Variants in ITSN2 observed in about 807,000 individuals in gnomAD.
The protein encoded by ITSN2 is intersectin 2.
ITSN2 carries 156 observed loss-of-function variants against 243.7 expected under a neutral mutation model. The observed-to-expected ratio is 0.64, with a 90% CI of 0.56 to 0.73. ITSN2 has a LOEUF of 0.73. Ranked by LOEUF, ITSN2 falls within the 30% of genes least tolerant of loss-of-function variation. The pLI is 0.00. For synonymous variants in ITSN2, 703 were observed against 699.9 expected (o/e 1.00, Z -0.07); for missense variants, 1,801 against 1,996.1 (o/e 0.90, Z 1.86).
chr2:24,298,930 C>T (rs965795083), intron 12 of ITSN2, 116 bp from the exon 13 acceptor site: 6 of 799,866 alleles, frequency 7.5e-6, no homozygotes, highest in Admixed American at 2.9e-5. Flanking sequence ...GCTTTAGTGC[C>T]TAAGGGTAGC....
chr2:24,228,347 G>A lies in ITSN2; in HGVS notation c.3578-7281C>T, dbSNP rs147174856. ...ATGACTGGAAAAACTATTAAAAGAC[G>A]TATTTCAGGAAGAAGGAAATTACAT... On this transcript the variant is annotated intron_variant, in intron 29 of 39. Transcript: ENST00000355123. Among the ~76,000 whole-genome samples, 704 of 152,172 alleles carry A rather than the reference G, an allele frequency of 4.6e-3. 1 individual carries two copies. Among genetic ancestry groups the A allele is most frequent in the Admixed American group, 8.5e-3 (130 of 15,286 alleles).
At position 24,286,887 on chromosome 2, in the gene ITSN2, T is replaced by G. The variant is rs544372522; in HGVS notation, c.1724-536A>C. 2.6e-5 allele frequency among the ~76,000 whole-genome samples: 4 copies of G among 152,290 alleles called. No homozygotes were observed. In the South Asian group the frequency reaches 8.3e-4, roughly 32 times the overall value. ...GAACAGAAGGTTTCATTTTATATTATCTTTTTTTACATATTCATGCAGGGA... is the reference window on the plus strand; with the variant it reads ...GAACAGAAGGTTTCATTTTATATTAGCTTTTTTTACATATTCATGCAGGGA... On this transcript the variant is annotated intron_variant, in intron 15 of 39. Coordinates refer to ENST00000355123, the MANE Select transcript of ITSN2 (RefSeq NM_006277.3).
intron 17 of ITSN2, among the ~76,000 whole-genome samples, chr2:24,277,551 T>A (rs532490863): frequency 1.3e-5 from 2 of 152,166 alleles, no homozygotes; most frequent in African/African-American, 4.8e-5. Flanking sequence ...TAAATTCTAT[T>A]GAAAAGCAGA....
At chr2:24,298,169 T>C (rs910338498) in intron 13 of ITSN2, among the ~76,000 whole-genome samples, 1 of 151,790 alleles carries the variant, frequency 6.6e-6, no homozygotes, top group Non-Finnish European at 1.5e-5. Context: ...TTTTTGTTTG[T>C]TTGTTTGAGA....
At chr2:24,241,416 T>C (rs1209338646) in intron 29 of ITSN2, 1 of 152,336 alleles carries the variant, frequency 6.6e-6, no homozygotes, top group African/African-American at 2.4e-5. Flanking sequence ...GTACCTTCAT[T>C]AGCCCAGAGC....
rs1011409068 is a variant in ITSN2, at chr2:24,347,982, G to A, written c.-34+12322C>T. Among the ~76,000 whole-genome samples the A allele has an allele frequency of 3.3e-5, 5 of 151,904 alleles. No homozygotes were observed. In the South Asian group the frequency reaches 6.2e-4, roughly 19 times the overall value. On this transcript the variant is annotated intron_variant, in intron 1 of 39. Transcript: ENST00000355123. ...TCCTAGCTACTCAGGAAACTGAGGTGGGAGGATCACTTGAACCCAAGAGTT... is the reference window on the plus strand; with the variant it reads ...TCCTAGCTACTCAGGAAACTGAGGTAGGAGGATCACTTGAACCCAAGAGTT...
At chr2:24,312,703 T>C (rs984438273) in intron 4 of ITSN2, among the ~76,000 whole-genome samples, 1 of 152,170 alleles carries the variant, frequency 6.6e-6, no homozygotes, top group Non-Finnish European at 1.5e-5. Flanking sequence ...TCCAAATATT[T>C]ACTGAATACT....
intron 1 of ITSN2, among the ~76,000 whole-genome samples, chr2:24,349,896 C>G (rs185986158): frequency 6.6e-6 from 1 of 152,300 alleles, no homozygotes; most frequent in African/African-American, 2.4e-5. Flanking sequence ...GCAACTGGAA[C>G]CACAGCCAAT....
rs1669444300 is a variant in ITSN2, at chr2:24,211,040, T to C, written c.4090-93A>G. The C allele has an allele frequency of 1.6e-6, 2 of 1,244,208 alleles. No homozygotes were observed. Among genetic ancestry groups the C allele is most frequent in the South Asian group, 2.7e-5 (2 of 74,400 alleles). 77.1% of individuals were successfully genotyped at this position (1,244,208 alleles called of 1,614,324 possible). A position where few individuals can be genotyped will look rare whatever the true frequency, so the allele number is the denominator to read the frequency against. ...GGACCGCTCCTCCAACCCCATGTTA[T>C]GGACTGCTTCCATGCCCTGGAAACG... On this transcript the variant is annotated intron_variant, in intron 33 of 39. Transcript: ENST00000355123. The surrounding 1 kb of genome is among the most constrained non-coding windows in gnomAD (Gnocchi z 4.1).
In ITSN2 at chr2:24,303,798, C is replaced by A; in HGVS notation, c.857+1G>T. The A allele has an allele frequency of 6.3e-7, 1 of 1,586,488 alleles. No individual in the cohort carries two copies. Among genetic ancestry groups the A allele is most frequent in the Non-Finnish European group, 8.7e-7 (1 of 1,155,076 alleles). ...CAAATGTAATTAAGGGACAAACTTACCAAATAGTAGCCAGCTGAGTTTGAG... is the reference window on the plus strand; with the variant it reads ...CAAATGTAATTAAGGGACAAACTTAACAAATAGTAGCCAGCTGAGTTTGAG... On this transcript the variant is annotated splice_donor_variant, in intron 9 of 39. Coordinates refer to ENST00000355123, the MANE Select transcript of ITSN2 (RefSeq NM_006277.3). LOFTEE classifies it high-confidence loss of function.
chr2:24,357,873 T>C (rs949793345), intron 1 of ITSN2, among the ~76,000 whole-genome samples: 1 of 152,248 alleles, frequency 6.6e-6, no homozygotes, highest in Non-Finnish European at 1.5e-5. Context: ...TTTCACTCAT[T>C]CACTAAACAC....
intron 13 of ITSN2, among the ~76,000 whole-genome samples, 176 bp from the exon 14 acceptor site, chr2:24,295,980 G>A (rs1355410886): frequency 6.6e-6 from 1 of 152,150 alleles, no homozygotes; most frequent in Non-Finnish European, 1.5e-5. Context: ...GTTAACTCGA[G>A]TTATTAGTGG....
At chr2:24,359,757 G>A (rs2702136) in intron 1 of ITSN2, among the ~76,000 whole-genome samples, 148,917 of 152,276 alleles carry the variant, frequency 0.98, 72,813 homozygotes, top group East Asian at 0.99. Flanking sequence ...AACTCCGGAG[G>A]AACGCGAGCG....
At chr2:24,261,526 A>G in intron 21 of ITSN2, 35 bp downstream of exon 21, 3 of 1,482,574 alleles carry the variant, frequency 2.0e-6, no homozygotes, top group Non-Finnish European at 2.8e-6. Context: ...ACATTTGCAG[A>G]TCTATATAAA....
chr2:24,207,545 C>T (rs531980204), intron 37 of ITSN2, among the ~76,000 whole-genome samples: 40 of 151,946 alleles, frequency 2.6e-4, no homozygotes, highest in Admixed American at 5.2e-4. Flanking sequence ...GTGGGGTCCC[C>T]GAGGGAGAGC....
chr2:24,274,414 C>A (rs542878257), intron 18 of ITSN2, among the ~76,000 whole-genome samples: 2 of 151,474 alleles, frequency 1.3e-5, no homozygotes, highest in East Asian at 3.9e-4. Flanking sequence ...TATTAAAATT[C>A]AAAAAAAATT....
intron 32 of ITSN2, among the ~76,000 whole-genome samples, chr2:24,215,740 T>C (rs1322710313): frequency 6.6e-6 from 1 of 151,738 alleles, no homozygotes; most frequent in Non-Finnish European, 1.5e-5. Flanking sequence ...ATGAAGGCAA[T>C]TTACAAAATT....
At chr2:24,265,260 T>C (rs1378781932) in intron 20 of ITSN2, among the ~76,000 whole-genome samples, 1 of 152,254 alleles carries the variant, frequency 6.6e-6, no homozygotes, top group Non-Finnish European at 1.5e-5. Flanking sequence ...TTTCCATTTA[T>C]TTCGGACTTC....
intron 2 of ITSN2, among the ~76,000 whole-genome samples, chr2:24,324,666 T>C (rs867510372): frequency 2.6e-5 from 4 of 151,634 alleles, no homozygotes; most frequent in Middle Eastern, 6.8e-3. Flanking sequence ...CTGGTCAACA[T>C]AGTGAGACCC....
Sources: gnomAD v4.1 joint callset for allele counts (sites outside exome capture counted in the v4.1 genomes callset) on GRCh38, gnomAD v4.1.1 for gene constraint, Gnocchi (gnomAD v3.1) non-coding constraint, MANE v1.5 for transcripts, NCBI Gene and HGNC (gene_info 2026-07-23, HGNC 2026-07-21) for gene names.